Variants in COPZ1 observed in about 807,000 individuals in gnomAD.
The protein encoded by COPZ1 is coat protein complex I subunit zeta 1.
COPZ1 carries 4 observed loss-of-function variants against 31.7 expected under a neutral mutation model. That is an observed-to-expected ratio of 0.13 (90% CI 0.06 to 0.29). The LOEUF (loss-of-function observed/expected upper bound fraction) is 0.29. Ranked by LOEUF, COPZ1 falls within the 10% of genes least tolerant of loss-of-function variation. The pLI, the probability that COPZ1 is intolerant of heterozygous loss-of-function variation, is 1.00. For missense variants in COPZ1, 156 were observed against 211.5 expected (o/e 0.74, Z 1.63); for synonymous variants, 74 against 79.0 (o/e 0.94, Z 0.33).
At chr12:54,349,726 C>T (rs1162638764) in intron 8 of COPZ1, 68 bp downstream of exon 8, 1 of 1,206,242 alleles carries the variant, frequency 8.3e-7, no homozygotes, top group Admixed American at 1.7e-5. Context: ...GCATTCCACC[C>T]ATACCTCTCA....
chr12:54,332,997 C>G (rs1287288013), intron 1 of COPZ1, among the ~76,000 whole-genome samples: 7 of 152,036 alleles, frequency 4.6e-5, no homozygotes, highest in South Asian at 2.1e-4. Context: ...TAATTCTAAA[C>G]TCGGCTCTGT....
chr12:54,326,850 T>A (rs1953657661), intron 1 of COPZ1, among the ~76,000 whole-genome samples: 1 of 151,796 alleles, frequency 6.6e-6, no homozygotes, highest in Admixed American at 6.6e-5. Context: ...TTAATTCCTC[T>A]CTTTCAGTTA....
intron 1 of COPZ1, among the ~76,000 whole-genome samples, chr12:54,330,429 A>C (rs943684437): frequency 2.6e-5 from 4 of 152,148 alleles, no homozygotes; most frequent in African/African-American, 7.2e-5. Flanking sequence ...CTTGCCCTCC[A>C]AGAAGACCTT....
chr12:54,349,687 T>C (rs1011922954), intron 8 of COPZ1, 29 bp downstream of exon 8: 1 of 1,580,796 alleles, frequency 6.3e-7, no homozygotes, highest in East Asian at 2.2e-5. Flanking sequence ...CCTTTCCAGA[T>C]GGACTGGGTC....
chr12:54,333,776 G>T (rs1007600382), intron 1 of COPZ1, among the ~76,000 whole-genome samples: 3 of 152,200 alleles, frequency 2.0e-5, no homozygotes, highest in African/African-American at 7.2e-5. Context: ...CAGATAGGAA[G>T]ATTGTAGGTG....
Position 54,345,446 on chromosome 12 carries a change from C to T in COPZ1, c.262-14C>T, listed in dbSNP as rs1954045259. ...CTTGAACCTTATCCTTCTGCCTCCT[C>T]TGTTTCCCAACAGCTGATGCTTATG... On this transcript the variant is annotated splice_polypyrimidine_tract_variant and intron_variant, in intron 4 of 8. Coordinates refer to ENST00000262061, the MANE Select transcript of COPZ1 (RefSeq NM_016057.3). 1 of 1,611,210 alleles carries T rather than the reference C, an allele frequency of 6.2e-7. No homozygotes were observed. Among genetic ancestry groups the T allele is most frequent in the Non-Finnish European group, 8.5e-7 (1 of 1,177,600 alleles).
chr12:54,343,431 G>C lies in COPZ1; in HGVS notation c.261+115G>C, dbSNP rs1954008384. On this transcript the variant is annotated intron_variant, in intron 4 of 8. Coordinates refer to ENST00000262061, the MANE Select transcript of COPZ1 (RefSeq NM_016057.3). ...CCGTGTTCCTCTGGCTTCTGACCAA[G>C]CTAATGAAGTTGTCAGAGATCCCAC... 4.9e-6 allele frequency: 4 copies of C among 823,684 alleles called. No individual in the cohort carries two copies. In the Admixed American group the frequency reaches 8.6e-5, roughly 18 times the overall value. 51.0% of individuals were successfully genotyped at this position (823,684 alleles called of 1,614,324 possible). A position where few individuals can be genotyped will look rare whatever the true frequency, so the allele number is the denominator to read the frequency against.
intron 5 of COPZ1, among the ~76,000 whole-genome samples, chr12:54,345,818 A>G (rs369293380): frequency 1.3e-5 from 2 of 151,956 alleles, no homozygotes; most frequent in South Asian, 4.1e-4. Flanking sequence ...TTAGCCGGGC[A>G]TGGTAGCGGG....
chr12:54,341,917 G>C (rs1953978346), intron 2 of COPZ1, among the ~76,000 whole-genome samples: 1 of 152,210 alleles, frequency 6.6e-6, no homozygotes, highest in Non-Finnish European at 1.5e-5. Context: ...GAGAGGTCTA[G>C]ATTGCAGACA....
At chr12:54,340,460 C>A in intron 1 of COPZ1, 87 bp from the exon 2 acceptor site, 1 of 1,577,712 alleles carries the variant, frequency 6.3e-7, no homozygotes. Context: ...TATCCCCTTG[C>A]AGCCCCAGTG....
At chr12:54,334,577 G>A (rs1476856240) in intron 1 of COPZ1, among the ~76,000 whole-genome samples, 1 of 152,118 alleles carries the variant, frequency 6.6e-6, no homozygotes, top group Admixed American at 6.5e-5. Context: ...GCACAGGCTG[G>A]GCACGGTGGC....
intron 6 of COPZ1, 46 bp from the exon 7 acceptor site, chr12:54,347,954 G>C (rs1254589630): frequency 1.2e-6 from 2 of 1,609,402 alleles, no homozygotes; most frequent in African/African-American, 2.7e-5. Context: ...CAGTGAGTTG[G>C]GCCTTCGGGA....
At chr12:54,342,005 G>C (rs1953979634) in intron 2 of COPZ1, among the ~76,000 whole-genome samples, 1 of 152,162 alleles carries the variant, frequency 6.6e-6, no homozygotes. Flanking sequence ...GTTGCTTATG[G>C]CAGGGTCTTT....
chr12:54,345,518 G>A lies in COPZ1; in HGVS notation c.317+3G>A, dbSNP rs1234630248. ...GACTCATTGAGCCAGATGCTGAGGT[G>A]AGCAGGACATTCTTTTTTTTCCCCT... On this transcript the variant is annotated splice_donor_region_variant and intron_variant, in intron 5 of 8. Coordinates refer to ENST00000262061, the MANE Select transcript of COPZ1 (RefSeq NM_016057.3). 6.2e-7 allele frequency: 1 copy of A among 1,609,806 alleles called. No individual in the cohort carries two copies. The highest frequency in any genetic ancestry group is 8.5e-7 in the Non-Finnish European group (1 of 1,176,270).
intron 1 of COPZ1, among the ~76,000 whole-genome samples, chr12:54,329,897 C>T (rs1402782624): frequency 6.6e-6 from 1 of 152,172 alleles, no homozygotes; most frequent in Non-Finnish European, 1.5e-5. Context: ...CCTGAATCAT[C>T]TTAATGGGGC....
intron 3 of COPZ1, 43 bp downstream of exon 3, chr12:54,342,330 C>A: frequency 6.9e-7 from 1 of 1,446,524 alleles, no homozygotes; most frequent in South Asian, 1.1e-5. Flanking sequence ...TGGGGGGAAC[C>A]ATGGTGGAAA....
chr12:54,333,365 T>C (rs142981954), intron 1 of COPZ1, among the ~76,000 whole-genome samples: 1 of 152,174 alleles, frequency 6.6e-6, no homozygotes, highest in Non-Finnish European at 1.5e-5. Flanking sequence ...CATAAAAAAA[T>C]TTGTGAATGT....
At chr12:54,333,402 T>G (rs1421422221) in intron 1 of COPZ1, among the ~76,000 whole-genome samples, 2 of 152,134 alleles carry the variant, frequency 1.3e-5, no homozygotes, top group South Asian at 2.1e-4. Context: ...GGTCCATAGA[T>G]GTAATTGGTT....
At chr12:54,340,793 G>T (rs193131460) in intron 2 of COPZ1, among the ~76,000 whole-genome samples, 178 bp downstream of exon 2, 4 of 151,816 alleles carry the variant, frequency 2.6e-5, no homozygotes, top group Non-Finnish European at 5.9e-5. Flanking sequence ...GTGCAATGGC[G>T]TGACCTTGGC....
Sources: allele counts gnomAD v4.1 joint callset (sites outside exome capture counted in the v4.1 genomes callset), GRCh38; gene constraint gnomAD v4.1.1; transcripts MANE v1.5; gene names NCBI Gene and HGNC (gene_info 2026-07-23, HGNC 2026-07-21).